ADARB2: variants seen among roughly 807,000 people sequenced by gnomAD.
ADARB2 encodes inactive double-stranded RNA-specific editase B2.
A neutral mutation model predicts 62.2 loss-of-function variants in ADARB2; 25 were observed. That is an observed-to-expected ratio of 0.40 (90% CI 0.29 to 0.56). The LOEUF is 0.56. ADARB2 is among the 20% of genes least tolerant of loss of function. The probability of loss-of-function intolerance (pLI) is 0.43; values close to 1 mark genes in which losing one functional copy is unlikely to be tolerated. For missense variants in ADARB2, 1,071 were observed against 1,077.4 expected, an observed-to-expected ratio of 0.99 and a Z score of 0.08; for synonymous variants, 572 against 500.8, an observed-to-expected ratio of 1.14 and a Z score of -1.90.
At chr10:1,697,147 C>T (rs898417585) in intron 1 of ADARB2, among the ~76,000 whole-genome samples, 1 of 152,120 alleles carries the variant, frequency 6.6e-6, no homozygotes, top group African/African-American at 2.4e-5. Flanking sequence ...TGGGTGGGGG[C>T]TGCTCGGGCC....
At position 1,467,893 on chromosome 10, in the gene ADARB2, C is replaced by T. The variant is rs867865893; in HGVS notation, c.101-88733G>A. On this transcript the variant is annotated intron_variant, in intron 1 of 9. Coordinates refer to ENST00000381312, the MANE Select transcript of ADARB2 (RefSeq NM_018702.4). ...CCTGAAACGAAAGCCGTCTGTCTGA[C>T]GAGGACATTGAGGACCCGTAATTTA... Among the ~76,000 whole-genome samples the T allele has an allele frequency of 2.6e-5, 4 of 152,128 alleles. No homozygotes were observed. In the East Asian group the frequency reaches 5.8e-4, roughly 22 times the overall value.
intron 3 of ADARB2, among the ~76,000 whole-genome samples, chr10:1,339,125 C>T (rs867548409): frequency 2.0e-5 from 3 of 152,234 alleles, no homozygotes; most frequent in African/African-American, 4.8e-5. Context: ...CCGGGTTGCT[C>T]GGCCACGCCC....
At chr10:1,651,466 T>C (rs1021069850) in intron 1 of ADARB2, among the ~76,000 whole-genome samples, 1 of 152,228 alleles carries the variant, frequency 6.6e-6, no homozygotes, top group Non-Finnish European at 1.5e-5. Context: ...CCACCTGCCA[T>C]GGCCAGGGCC....
At chr10:1,342,118 G>T (rs187124082) in intron 3 of ADARB2, among the ~76,000 whole-genome samples, 6 of 152,352 alleles carry the variant, frequency 3.9e-5, no homozygotes, top group African/African-American at 1.4e-4. Context: ...ACATCTTGGG[G>T]TGTCCCAACC....
chr10:1,693,224 G>A (rs1053993531), intron 1 of ADARB2, among the ~76,000 whole-genome samples: 4 of 152,154 alleles, frequency 2.6e-5, no homozygotes, highest in African/African-American at 9.7e-5. Flanking sequence ...CCTGCAAGGG[G>A]CCTTGGCAAC....
In ADARB2 at chr10:1,484,878, C is replaced by T. The variant is rs571732551; in HGVS notation, c.101-105718G>A. Among the ~76,000 whole-genome samples the T allele has an allele frequency of 6.0e-4, 91 of 152,052 alleles. 2 individuals are homozygous for T. The highest frequency in any genetic ancestry group is 6.8e-3 in the Middle Eastern group (2 of 294). ...GATATGTATGTAGGTACATATGTGG[C>T]TATGTAGGTGGATTTGTAGGTGCAC... On this transcript the variant is annotated intron_variant, in intron 1 of 9. Transcript: ENST00000381312.
At chr10:1,349,820 T>C (rs1435558601) in intron 3 of ADARB2, among the ~76,000 whole-genome samples, 1 of 152,118 alleles carries the variant, frequency 6.6e-6, no homozygotes, top group Non-Finnish European at 1.5e-5. Context: ...TATTCATCCA[T>C]GTTCCACTGA....
chr10:1,630,850 G>T (rs886518514), intron 1 of ADARB2, among the ~76,000 whole-genome samples: 18 of 152,072 alleles, frequency 1.2e-4, no homozygotes, highest in African/African-American at 4.3e-4. Context: ...AGATACTCAG[G>T]AGGCTGAGGC....
chr10:1,242,051 A>C, intron 5 of ADARB2, 80 bp downstream of exon 5: 2 of 1,448,924 alleles, frequency 1.4e-6, no homozygotes, highest in Non-Finnish European at 1.8e-6. Flanking sequence ...GTTCTGAGCC[A>C]GGCATGGGGC....
intron 3 of ADARB2, among the ~76,000 whole-genome samples, chr10:1,281,130 T>C (rs758408341): frequency 1.1e-4 from 16 of 152,248 alleles, no homozygotes; most frequent in Admixed American, 2.6e-4. Context: ...CTCTGCACCA[T>C]AACTCATGAT....
intron 1 of ADARB2, among the ~76,000 whole-genome samples, chr10:1,579,500 A>C (rs1226042468): frequency 6.6e-6 from 1 of 152,200 alleles, no homozygotes; most frequent in Non-Finnish European, 1.5e-5. Context: ...GTACATGAGG[A>C]AACAGGCGCT....
chr10:1,337,917 C>T (rs1325458060), intron 3 of ADARB2, among the ~76,000 whole-genome samples: 2 of 152,210 alleles, frequency 1.3e-5, no homozygotes, highest in Non-Finnish European at 1.5e-5. Context: ...TTCTTCACCT[C>T]GTGCACACTA....
At chr10:1,216,809 A>G in intron 7 of ADARB2, 142 bp downstream of exon 7, 3 of 1,101,782 alleles carry the variant, frequency 2.7e-6, no homozygotes, top group Non-Finnish European at 3.9e-6. Flanking sequence ...ATGGCTGTGG[A>G]GTTCCACGGC....
At chr10:1,359,281 C>A (rs562744673) in intron 3 of ADARB2, among the ~76,000 whole-genome samples, 19 of 152,254 alleles carry the variant, frequency 1.2e-4, no homozygotes, top group African/African-American at 3.4e-4. Context: ...CCTGCAAACC[C>A]TCTGCCAGTA....
rs187622840 is a variant in ADARB2 at position 1,341,993 on chromosome 10, C to T, written c.1077+21035G>A. 4.9e-4 allele frequency among the ~76,000 whole-genome samples: 75 copies of T among 152,340 alleles called. No homozygotes were observed. The East Asian group carries it at 0.013, about 25-fold the overall frequency. On this transcript the variant is annotated intron_variant, in intron 3 of 9. Coordinates refer to ENST00000381312, the MANE Select transcript of ADARB2 (RefSeq NM_018702.4). ...CTCACTCTTCTTTCTGATGTGTGCA[C>T]CCCAGGCTCATTGATCATGGTATTG...
intron 1 of ADARB2, among the ~76,000 whole-genome samples, chr10:1,486,864 A>C (rs1020796639): frequency 6.6e-6 from 1 of 152,182 alleles, no homozygotes; most frequent in Non-Finnish European, 1.5e-5. Context: ...ATGCAAGAGG[A>C]GTGAACGTCA....
intron 1 of ADARB2, among the ~76,000 whole-genome samples, chr10:1,469,470 T>G (rs567196863): frequency 1.1e-3 from 162 of 152,360 alleles, no homozygotes; most frequent in African/African-American, 3.7e-3. Flanking sequence ...TGATGATAAT[T>G]ATCACATTCT....
At chr10:1,530,930 C>T (rs565749138) in intron 1 of ADARB2, among the ~76,000 whole-genome samples, 85 of 150,580 alleles carry the variant, frequency 5.6e-4, no homozygotes, top group Non-Finnish European at 9.8e-4. Flanking sequence ...CACTCAGCAC[C>T]CAGCACTCAG....
At chr10:1,556,261 CTT>C (rs5782583) in intron 1 of ADARB2, among the ~76,000 whole-genome samples, 31,912 of 147,308 alleles carry the variant, frequency 0.22, 3,565 homozygotes, top group Non-Finnish European at 0.24. Flanking sequence ...AACAAAAAGT[CTT>C]TTTTTTTTTT....
Sources: allele counts gnomAD v4.1 joint callset (sites outside exome capture counted in the v4.1 genomes callset), GRCh38; gene constraint gnomAD v4.1.1; transcripts MANE v1.5; gene names NCBI Gene and HGNC (gene_info 2026-07-23, HGNC 2026-07-21).